Variants in DNAH6 observed in about 807,000 individuals in gnomAD.
DNAH6 encodes axonemal beta dynein heavy chain 6.
Under a neutral mutation model 491.4 loss-of-function variants are expected in DNAH6, and 340 were observed. That is an observed-to-expected ratio of 0.69 (90% CI 0.63 to 0.76). The LOEUF is 0.76. Ranked by LOEUF, DNAH6 falls within the 30% of genes least tolerant of loss-of-function variation. The pLI is 0.00. For synonymous variants in DNAH6, 1,603 were observed against 1,686.1 expected, an observed-to-expected ratio of 0.95 and a Z score of 1.21; for missense variants, 4,443 against 4,972.2, an observed-to-expected ratio of 0.89 and a Z score of 3.20.
Position 84,619,817 on chromosome 2 carries a change from C to G in DNAH6, c.3705C>G (p.Ala1235=), listed in dbSNP as rs889098093. 1 of 1,551,350 alleles carries G rather than the reference C, an allele frequency of 6.4e-7. No individual in the cohort carries two copies. The highest frequency in any genetic ancestry group is 8.7e-7 in the Non-Finnish European group (1 of 1,146,824). Residue 1235 remains alanine (A), a synonymous_variant, in exon 24 of 77, where the codon GCC becomes GCG. Transcript: ENST00000389394. ...TCGAATTTGCTCTCATGCCTCCTGC[C>G]GAAGGAAAGATTCCTGGTATTGATG... ...SKLEFALMPP[A]EGKIPGIDGE...
chr2:84,784,790 G>A lies in DNAH6; in HGVS notation c.10933G>A (p.Val3645Ile). The A allele has an allele frequency of 6.5e-7, 1 of 1,549,750 alleles. No individual in the cohort carries two copies. The highest frequency in any genetic ancestry group is 8.7e-7 in the Non-Finnish European group (1 of 1,145,406). The change falls in exon 66 of 77, where the codon GTT becomes ATT. Residue 3645 changes from valine to isoleucine, a missense_variant. Coordinates refer to ENST00000389394, the MANE Select transcript of DNAH6 (RefSeq NM_001370.2). ...GCCTAGTAATACATTTCCTGTTACA[G>A]TTCTTCAAAATTCTGTCAAGGTAAT... ...SMPSNTFPVT[V>I]LQNSVKVTNE...
At chr2:84,595,935 G>GTC in intron 18 of DNAH6, 146 bp downstream of exon 18, 3 of 938,342 alleles carry the variant, frequency 3.2e-6, no homozygotes, top group Non-Finnish European at 4.5e-6. Flanking sequence ...TTTTTTTGCA[G>GTC]TGGCACAGAC....
the DNAH6 span, among the ~76,000 whole-genome samples, chr2:84,471,153 A>C: frequency 6.6e-6 from 1 of 152,220 alleles, no homozygotes; most frequent in Non-Finnish European, 1.5e-5. Flanking sequence ...CTTTTTTCCC[A>C]ACACTCAGCT....
chr2:84,573,779 T>C (rs1165864905), intron 12 of DNAH6, among the ~76,000 whole-genome samples, 192 bp downstream of exon 12: 1 of 152,212 alleles, frequency 6.6e-6, no homozygotes, highest in Non-Finnish European at 1.5e-5. Flanking sequence ...CCTTATTCAG[T>C]ATTACTTTTA....
At chr2:84,492,588 C>T in the DNAH6 span, among the ~76,000 whole-genome samples, 1 of 151,882 alleles carries the variant, frequency 6.6e-6, no homozygotes, top group Admixed American at 6.6e-5. Flanking sequence ...TCTAATTTTT[C>T]TGAGTTTCCA....
intron 41 of DNAH6, among the ~76,000 whole-genome samples, chr2:84,677,556 AAC>A (rs1317772427): frequency 6.6e-6 from 1 of 152,176 alleles, no homozygotes; most frequent in African/African-American, 2.4e-5. Context: ...GCTCAAGCTC[AAC>A]ACACCTAAAA....
At chr2:84,763,279 A>G (rs1674760902) in intron 64 of DNAH6, among the ~76,000 whole-genome samples, 1 of 152,322 alleles carries the variant, frequency 6.6e-6, no homozygotes, top group Admixed American at 6.5e-5. Context: ...AATCAAATGT[A>G]CAAAAAAAGA....
chr2:84,566,596 C>A (rs1312996812), intron 11 of DNAH6, among the ~76,000 whole-genome samples: 1 of 151,598 alleles, frequency 6.6e-6, no homozygotes, highest in Non-Finnish European at 1.5e-5. Context: ...GATTTTTTTT[C>A]TCTCTAGGTT....
At position 84,579,621 on chromosome 2, in the gene DNAH6, C is replaced by T. The variant is rs1468250272; in HGVS notation, c.2171C>T (p.Pro724Leu). ...QDAEYKLEFVPTTTTEYVHSL... is the reference protein window; with the variant it reads ...QDAEYKLEFVLTTTTEYVHSL... ...GCAGAGTATAAACTTGAGTTTGTTC[C>T]AACTACTACCACAGAATATGTTCAT... is the stretch of plus-strand genomic sequence containing the variant. Residue 724 changes from proline (P) to leucine (L), a missense_variant, in exon 14 of 77, where the codon CCA becomes CTA. Pro to Leu is a moderately conservative substitution (Grantham distance 98, BLOSUM62 -3). Around this residue, in one of 3 missense-constraint regions of DNAH6, gnomAD observed 2,977 missense variants for 3,296.6 expected, o/e 0.90. Transcript: ENST00000389394. 3 of 1,611,040 alleles carry T rather than the reference C, an allele frequency of 1.9e-6. No individual in the cohort carries two copies. The highest frequency in any genetic ancestry group is 2.5e-6 in the Non-Finnish European group (3 of 1,179,100).
At chr2:84,622,316 A>G in intron 26 of DNAH6, among the ~76,000 whole-genome samples, 1 of 152,088 alleles carries the variant, frequency 6.6e-6, no homozygotes, top group South Asian at 2.1e-4. Flanking sequence ...GTATGTGTAT[A>G]CCACATTTTC....
In DNAH6 at chr2:84,633,128, C is replaced by T. The variant is rs1485807455; in HGVS notation, c.4516-1376C>T. Among the ~76,000 whole-genome samples, 4 of 152,208 alleles carry T rather than the reference C, an allele frequency of 2.6e-5. No individual in the cohort carries two copies. The East Asian group carries it at 5.8e-4, about 22-fold the overall frequency. ...AGCAGCCAGTAAGTGAGAAAGCCCA[C>T]ATCGAATGCCAAATAATAAGGATTT... On this transcript the variant is annotated intron_variant, in intron 29 of 76. Coordinates refer to ENST00000389394, the MANE Select transcript of DNAH6 (RefSeq NM_001370.2).
intron 63 of DNAH6, among the ~76,000 whole-genome samples, chr2:84,750,526 A>G (rs1030094746): frequency 1.2e-4 from 19 of 152,002 alleles, no homozygotes; most frequent in African/African-American, 4.4e-4. Flanking sequence ...TCTTGTAGAA[A>G]CATATTGAAT....
chr2:84,488,997 A>G, the DNAH6 span, among the ~76,000 whole-genome samples: 1 of 152,174 alleles, frequency 6.6e-6, no homozygotes, highest in African/African-American at 2.4e-5. Context: ...TATCAATGAT[A>G]AAGATGATAT....
intron 7 of DNAH6, 99 bp from the exon 8 acceptor site, chr2:84,548,164 ATTGCTTCGTGTACCAAAATATTTTG>A: frequency 1.9e-6 from 2 of 1,059,048 alleles, no homozygotes; most frequent in Non-Finnish European, 2.7e-6. Flanking sequence ...TCAGGTTTGA[ATTGCTTCGTGTACCAAAATATTTTG>A]TTGTTTTTGA....
At chr2:84,801,281 A>G (rs912430685) in intron 70 of DNAH6, among the ~76,000 whole-genome samples, 1 of 151,826 alleles carries the variant, frequency 6.6e-6, no homozygotes, top group African/African-American at 2.4e-5. Flanking sequence ...AAAAAAAAAA[A>G]AAGAAAGTAA....
At position 84,670,484 on chromosome 2, in the gene DNAH6, C is replaced by T; in HGVS notation, c.6454+9C>T. 2.0e-6 allele frequency: 3 copies of T among 1,491,654 alleles called. No homozygotes were observed. Among genetic ancestry groups the T allele is most frequent in the Non-Finnish European group, 2.7e-6 (3 of 1,105,834 alleles). 92.4% of individuals were successfully genotyped at this position (1,491,654 alleles called of 1,614,324 possible). ...AAGAAAAAATATTCTAGGTAAGAAT[C>T]ATTATTTTAGTTTGTCCCACACAAA... On this transcript the variant is annotated intron_variant, in intron 39 of 76. Transcript: ENST00000389394.
chr2:84,574,369 C>T (rs930281721), intron 12 of DNAH6, among the ~76,000 whole-genome samples: 4 of 152,098 alleles, frequency 2.6e-5, no homozygotes, highest in Admixed American at 2.6e-4. Context: ...ATCTCTAAAA[C>T]ATGTTTCTAC....
At chr2:84,627,698 T>A (rs992972558) in intron 29 of DNAH6, among the ~76,000 whole-genome samples, 1 of 152,198 alleles carries the variant, frequency 6.6e-6, no homozygotes, top group African/African-American at 2.4e-5. Context: ...GAAAAATATG[T>A]CTTTTGTCAG....
chr2:84,638,088 G>A (rs1689042202), intron 31 of DNAH6, among the ~76,000 whole-genome samples: 1 of 151,836 alleles, frequency 6.6e-6, no homozygotes, highest in Non-Finnish European at 1.5e-5. Context: ...AAATTAGCCA[G>A]TCTCATAACC....
Sources: allele counts gnomAD v4.1 joint callset (sites outside exome capture counted in the v4.1 genomes callset), GRCh38; gene constraint gnomAD v4.1.1; regional missense constraint gnomAD v4.1.1; transcripts MANE v1.5; gene names NCBI Gene and HGNC (gene_info 2026-07-23, HGNC 2026-07-21).